SAMD3: variants seen among roughly 807,000 people sequenced by gnomAD.
The protein encoded by SAMD3 is sterile alpha motif domain containing 3.
A neutral mutation model predicts 58.5 loss-of-function variants in SAMD3; 63 were observed. That is an observed-to-expected ratio of 1.08 (90% CI 0.88 to 1.33). SAMD3 has a LOEUF of 1.33. Ranked by LOEUF, SAMD3 falls within the 40% of genes most tolerant of loss-of-function variation. SAMD3 has a pLI of 0.00. For synonymous variants in SAMD3, 220 were observed against 210.3 expected (o/e 1.05, Z -0.40); for missense variants, 604 against 608.4 (o/e 0.99, Z 0.08).
At chr6:130,328,131 G>A (rs1776813344) in intron 1 of SAMD3, among the ~76,000 whole-genome samples, 3 of 152,148 alleles carry the variant, frequency 2.0e-5, no homozygotes, top group Admixed American at 1.3e-4. Flanking sequence ...CAGATCTCAT[G>A]TGAGACCCTG....
At chr6:130,236,244 ATG>A in intron 2 of SAMD3, among the ~76,000 whole-genome samples, 1 of 152,334 alleles carries the variant, frequency 6.6e-6, no homozygotes, top group East Asian at 1.9e-4. Context: ...TGGATTACAC[ATG>A]TGTGTTAATC....
intron 7 of SAMD3, among the ~76,000 whole-genome samples, 182 bp downstream of exon 7, chr6:130,183,921 G>A (rs1792657672): frequency 6.6e-6 from 1 of 152,100 alleles, no homozygotes; most frequent in African/African-American, 2.4e-5. Flanking sequence ...AAGTTGGAGA[G>A]AGATTAAAGA....
chr6:130,175,293 C>A (rs1791619334), intron 8 of SAMD3, among the ~76,000 whole-genome samples: 1 of 152,172 alleles, frequency 6.6e-6, no homozygotes, highest in Non-Finnish European at 1.5e-5. Flanking sequence ...CTCCCAGGTG[C>A]TGAGGGTTGA....
At chr6:130,151,171 C>A (rs1789135553) in intron 9 of SAMD3, among the ~76,000 whole-genome samples, 2 of 152,144 alleles carry the variant, frequency 1.3e-5, no homozygotes, top group African/African-American at 4.8e-5. Flanking sequence ...TCCTGTGCAG[C>A]TCCATGAGAC....
At chr6:130,170,922 A>G (rs1346653760) in intron 8 of SAMD3, among the ~76,000 whole-genome samples, 1 of 152,158 alleles carries the variant, frequency 6.6e-6, no homozygotes, top group Admixed American at 6.5e-5. Flanking sequence ...TCCTATTTGA[A>G]TACTCTTTAT....
At chr6:130,241,624 A>G (rs1281803734) in intron 2 of SAMD3, among the ~76,000 whole-genome samples, 2 of 152,004 alleles carry the variant, frequency 1.3e-5, no homozygotes, top group Non-Finnish European at 2.9e-5. Context: ...CTAATATATA[A>G]GAAAATATTC....
chr6:130,299,260 A>G (rs1279495479), intron 2 of SAMD3, among the ~76,000 whole-genome samples: 1 of 152,158 alleles, frequency 6.6e-6, no homozygotes, highest in African/African-American at 2.4e-5. Context: ...ATATCATATC[A>G]AGCATCTTCT....
At chr6:130,257,730 T>G (rs1296174299) in intron 2 of SAMD3, among the ~76,000 whole-genome samples, 3 of 152,202 alleles carry the variant, frequency 2.0e-5, no homozygotes, top group African/African-American at 7.2e-5. Flanking sequence ...GTACAAATTT[T>G]AAGTATACAA....
chr6:130,145,500 C>A (rs1788540783), intron 10 of SAMD3, 78 bp from the exon 11 acceptor site: 1 of 985,354 alleles, frequency 1.0e-6, no homozygotes. Flanking sequence ...ATTGAAACAT[C>A]TGGATTTTTT....
chr6:130,179,682 CTA>C (rs762561233), intron 7 of SAMD3, among the ~76,000 whole-genome samples: 1 of 150,306 alleles, frequency 6.7e-6, no homozygotes, highest in Non-Finnish European at 1.5e-5. Flanking sequence ...TAGCAAAAAA[CTA>C]TCTTTAAAAC....
upstream of SAMD3, among the ~76,000 whole-genome samples, chr6:130,224,232 TGTGCCCGCTAGGGTCTCAG>T (rs1698722757): frequency 6.6e-6 from 1 of 152,154 alleles, no homozygotes; most frequent in Non-Finnish European, 1.5e-5. Flanking sequence ...CGCTTGTGTC[TGTGCCCGCTAGGGTCTCAG>T]GGTTTTTATA....
At chr6:130,287,472 G>A (rs2114958044) in intron 2 of SAMD3, among the ~76,000 whole-genome samples, 1 of 152,240 alleles carries the variant, frequency 6.6e-6, no homozygotes, top group Admixed American at 6.5e-5. Flanking sequence ...GTGTGAAACA[G>A]GAAAAAGAAA....
downstream of SAMD3, among the ~76,000 whole-genome samples, chr6:130,143,554 T>G (rs1008751834): frequency 2.6e-5 from 4 of 152,114 alleles, no homozygotes; most frequent in Non-Finnish European, 5.9e-5. Context: ...CACATGAGCC[T>G]TTCTTAAACT....
At chr6:130,238,656 C>T (rs1207282198) in intron 2 of SAMD3, among the ~76,000 whole-genome samples, 1 of 152,168 alleles carries the variant, frequency 6.6e-6, no homozygotes, top group Non-Finnish European at 1.5e-5. Flanking sequence ...ATGCTGTCCA[C>T]ATGCCCATAT....
At chr6:130,176,036 T>A in intron 7 of SAMD3, 28 bp from the exon 8 acceptor site, 1 of 1,576,912 alleles carries the variant, frequency 6.3e-7, no homozygotes, top group Non-Finnish European at 8.7e-7. Flanking sequence ...CCAGTTAATC[T>A]TCAAGGAGAT....
intron 4 of SAMD3, among the ~76,000 whole-genome samples, chr6:130,210,766 CT>C (rs1795471047): frequency 6.6e-6 from 1 of 152,082 alleles, no homozygotes; most frequent in Admixed American, 6.6e-5. Context: ...ACCCTCCTCC[CT>C]TTTAGAATTG....
intron 5 of SAMD3, among the ~76,000 whole-genome samples, chr6:130,195,637 C>T (rs913785618): frequency 7.2e-5 from 11 of 152,154 alleles, no homozygotes; most frequent in East Asian, 3.9e-4. Flanking sequence ...AGCCTCTCTT[C>T]GCTTTCACTT....
At chr6:130,177,412 T>C (rs17058460) in intron 7 of SAMD3, among the ~76,000 whole-genome samples, 14,445 of 152,118 alleles carry the variant, frequency 0.095, 1,102 homozygotes, top group African/African-American at 0.21. Flanking sequence ...ACATGGACAA[T>C]ACCTAGGAAG....
chr6:130,363,039 T>C (rs1440243870), intron 1 of SAMD3, among the ~76,000 whole-genome samples: 5 of 152,226 alleles, frequency 3.3e-5, no homozygotes, highest in Non-Finnish European at 7.4e-5. Flanking sequence ...AAAGTTCATT[T>C]TCTTTATTGA....
Sources: gnomAD v4.1 joint callset for allele counts (sites outside exome capture counted in the v4.1 genomes callset) on GRCh38, gnomAD v4.1.1 for gene constraint, MANE v1.5 for transcripts, NCBI Gene and HGNC (gene_info 2026-07-23, HGNC 2026-07-21) for gene names.